RNLS: variants seen among roughly 807,000 people sequenced by gnomAD.
RNLS encodes the protein renalase.
RNLS carries 39 observed loss-of-function variants against 39.8 expected under a neutral mutation model. That is an observed-to-expected ratio of 0.98 (90% CI 0.76 to 1.28). The LOEUF (loss-of-function observed/expected upper bound fraction) is 1.28, where lower values mean the gene tolerates loss of function less well. Ranked by LOEUF, RNLS falls within the 50% of genes most tolerant of loss-of-function variation. The probability of loss-of-function intolerance (pLI) is 0.00; values close to 1 mark genes in which losing one functional copy is unlikely to be tolerated. For synonymous variants in RNLS, 147 were observed against 150.7 expected (o/e 0.98, Z 0.18); for missense variants, 410 against 413.3 (o/e 0.99, Z 0.07).
chr10:88,324,398 A>C (rs1445620324), intron 5 of RNLS, among the ~76,000 whole-genome samples: 2 of 150,138 alleles, frequency 1.3e-5, no homozygotes, highest in African/African-American at 4.9e-5. Flanking sequence ...AATACTATGC[A>C]GCCATAAAAA....
At chr10:88,527,315 C>T (rs1311360584) in intron 4 of RNLS, among the ~76,000 whole-genome samples, 1 of 152,104 alleles carries the variant, frequency 6.6e-6, no homozygotes, top group Non-Finnish European at 1.5e-5. Context: ...TGAGAAAGGC[C>T]TAAAGATATT....
chr10:88,246,751 G>A, the RNLS span, among the ~76,000 whole-genome samples: 2 of 152,002 alleles, frequency 1.3e-5, no homozygotes, highest in Non-Finnish European at 2.9e-5. Context: ...ATTCCTTACT[G>A]CAAGAAATCA....
intron 4 of RNLS, among the ~76,000 whole-genome samples, chr10:88,474,419 C>A (rs1843697182): frequency 6.6e-6 from 1 of 152,146 alleles, no homozygotes; most frequent in Non-Finnish European, 1.5e-5. Flanking sequence ...TATGTCCCTC[C>A]TTCTTCTAGC....
chr10:88,294,920 T>G (rs920398859), intron 6 of RNLS, among the ~76,000 whole-genome samples: 3 of 152,090 alleles, frequency 2.0e-5, no homozygotes, highest in Admixed American at 2.0e-4. Context: ...TAAATTTTGC[T>G]TTTCCGCCCC....
chr10:88,430,266 G>A (rs1669470649), intron 4 of RNLS, among the ~76,000 whole-genome samples: 1 of 151,622 alleles, frequency 6.6e-6, no homozygotes, highest in Middle Eastern at 3.2e-3. Context: ...TATTATAAAT[G>A]TATTCTTTTA....
chr10:88,178,787 A>G, the RNLS span, among the ~76,000 whole-genome samples: 6 of 152,166 alleles, frequency 3.9e-5, no homozygotes, highest in African/African-American at 1.4e-4. Context: ...CACTTTGTCA[A>G]TTTAGAACTT....
chr10:88,273,848 G>C (rs1842718462), downstream of RNLS: 1 of 144,122 alleles, frequency 6.9e-6, no homozygotes, highest in Admixed American at 6.8e-5. Flanking sequence ...ATGCCAAATT[G>C]ATAGGTTAAA....
chr10:88,324,017 C>A (rs1002859201), intron 5 of RNLS, among the ~76,000 whole-genome samples: 2 of 152,084 alleles, frequency 1.3e-5, no homozygotes, highest in Non-Finnish European at 1.5e-5. Context: ...AAATGCAAAT[C>A]AAAATCGCAA....
chr10:88,306,967 T>C (rs1844965950), intron 6 of RNLS, among the ~76,000 whole-genome samples: 1 of 152,152 alleles, frequency 6.6e-6, no homozygotes, highest in African/African-American at 2.4e-5. Flanking sequence ...CAAAATCTTA[T>C]CCACCATGAT....
intron 4 of RNLS, among the ~76,000 whole-genome samples, chr10:88,424,005 C>A (rs1037968601): frequency 6.6e-6 from 1 of 152,170 alleles, no homozygotes; most frequent in African/African-American, 2.4e-5. Flanking sequence ...TTTTTCTTAT[C>A]TCTCATGTAA....
intron 4 of RNLS, among the ~76,000 whole-genome samples, chr10:88,475,390 A>T (rs1341703057): frequency 2.0e-5 from 3 of 152,202 alleles, no homozygotes; most frequent in Non-Finnish European, 4.4e-5. Flanking sequence ...CTCCCTAAAA[A>T]TTCTTCCTGG....
chr10:88,226,283 A>G, the RNLS span, among the ~76,000 whole-genome samples: 1 of 152,202 alleles, frequency 6.6e-6, no homozygotes, highest in African/African-American at 2.4e-5. Flanking sequence ...TAAAAATGTT[A>G]ATTTCAGTCT....
chr10:88,576,075 GA>G (rs1850186408), intron 3 of RNLS, among the ~76,000 whole-genome samples: 4 of 152,190 alleles, frequency 2.6e-5, no homozygotes, highest in Middle Eastern at 6.8e-3. Context: ...GTTCCTCAGG[GA>G]TGCTTTCCCT....
chr10:88,393,724 T>C (rs1852362606), intron 4 of RNLS, among the ~76,000 whole-genome samples: 1 of 152,146 alleles, frequency 6.6e-6, no homozygotes. Flanking sequence ...AAAAAGAGCC[T>C]GCATTGCCAA....
At chr10:88,489,209 T>C (rs577990554) in intron 4 of RNLS, among the ~76,000 whole-genome samples, 3 of 152,326 alleles carry the variant, frequency 2.0e-5, no homozygotes, top group South Asian at 4.1e-4. Context: ...TCCCTGGAGA[T>C]AGTCACTGCC....
chr10:88,173,611 A>C, the RNLS span, among the ~76,000 whole-genome samples: 1 of 152,170 alleles, frequency 6.6e-6, no homozygotes, highest in African/African-American at 2.4e-5. Context: ...CTTACAATCC[A>C]GGAATGTGAG....
chr10:88,460,186 G>C (rs371584433), intron 4 of RNLS, among the ~76,000 whole-genome samples: 1 of 152,134 alleles, frequency 6.6e-6, no homozygotes, highest in South Asian at 2.1e-4. Context: ...CAAGATGCTA[G>C]TAAAACATCC....
chr10:88,449,386 G>A (rs1325405823), intron 4 of RNLS, among the ~76,000 whole-genome samples: 1 of 152,152 alleles, frequency 6.6e-6, no homozygotes, highest in African/African-American at 2.4e-5. Flanking sequence ...TTTTCCACGT[G>A]TTTAATTAGC....
the RNLS span, among the ~76,000 whole-genome samples, chr10:88,205,972 A>C: frequency 6.6e-5 from 10 of 152,182 alleles, no homozygotes; most frequent in Non-Finnish European, 1.2e-4. Flanking sequence ...ATGGCTAAGG[A>C]AAGTTTATGC....
Sources: gnomAD v4.1 joint callset for allele counts (sites outside exome capture counted in the v4.1 genomes callset) on GRCh38, gnomAD v4.1.1 for gene constraint, MANE v1.5 for transcripts, NCBI Gene and HGNC (gene_info 2026-07-23, HGNC 2026-07-21) for gene names.